Variants in CNTN5 observed in about 807,000 individuals in gnomAD.
CNTN5 encodes the protein contactin 5, also known as contactin-5.
A neutral mutation model predicts 129.1 loss-of-function variants in CNTN5; 77 were observed. The observed-to-expected ratio is 0.60, with a 90% CI of 0.50 to 0.72. The LOEUF (loss-of-function observed/expected upper bound fraction) is 0.72, where lower values mean the gene tolerates loss of function less well. Among genes scored for constraint, CNTN5 ranks in the 30% least tolerant of loss-of-function variants. CNTN5 has a pLI of 0.00. For missense variants in CNTN5, 1,478 were observed against 1,328.8 expected, an observed-to-expected ratio of 1.11 and a Z score of -1.75; for synonymous variants, 509 against 465.6, an observed-to-expected ratio of 1.09 and a Z score of -1.20.
chr11:99,903,252 TA>T (rs1949406347), intron 6 of CNTN5, among the ~76,000 whole-genome samples: 1 of 151,826 alleles, frequency 6.6e-6, no homozygotes. Flanking sequence ...GCGAACAGCA[TA>T]AGAATTCCTG....
chr11:99,228,418 T>C (rs1860808522), intron 1 of CNTN5, among the ~76,000 whole-genome samples: 1 of 152,068 alleles, frequency 6.6e-6, no homozygotes, highest in East Asian at 1.9e-4. Flanking sequence ...TAATGTTTAA[T>C]AGCAGAGCAG....
At chr11:99,071,019 G>A (rs1465013136) in intron 1 of CNTN5, among the ~76,000 whole-genome samples, 3 of 152,102 alleles carry the variant, frequency 2.0e-5, no homozygotes, top group Non-Finnish European at 2.9e-5. Flanking sequence ...ACATGGCCCT[G>A]CTTGTTGCTG....
At chr11:99,236,587 A>G (rs1191459767) in intron 1 of CNTN5, among the ~76,000 whole-genome samples, 5 of 152,036 alleles carry the variant, frequency 3.3e-5, no homozygotes, top group Non-Finnish European at 2.9e-5. Flanking sequence ...ATCTTCCTCA[A>G]TGCTTATACT....
chr11:99,423,799 G>A (rs1007200758), intron 2 of CNTN5, among the ~76,000 whole-genome samples: 1 of 142,950 alleles, frequency 7.0e-6, no homozygotes, highest in African/African-American at 2.5e-5. Context: ...GAGTGACAAG[G>A]TTAGATAAGG....
chr11:99,240,875 C>G (rs1591403998), intron 1 of CNTN5, among the ~76,000 whole-genome samples: 1 of 152,256 alleles, frequency 6.6e-6, no homozygotes, highest in East Asian at 1.9e-4. Context: ...ACCAAACACA[C>G]AGACTGTGTT....
At chr11:100,335,088 C>T (rs1472549053) in intron 21 of CNTN5, among the ~76,000 whole-genome samples, 3 of 151,700 alleles carry the variant, frequency 2.0e-5, no homozygotes, top group African/African-American at 7.3e-5. Flanking sequence ...GGAGGCTGCG[C>T]ATGTGTAGTG....
At chr11:99,528,175 T>C (rs952808658) in intron 2 of CNTN5, among the ~76,000 whole-genome samples, 1 of 152,162 alleles carries the variant, frequency 6.6e-6, no homozygotes, top group Non-Finnish European at 1.5e-5. Context: ...GAAAAAATAA[T>C]TTTAAAATTA....
intron 1 of CNTN5, among the ~76,000 whole-genome samples, chr11:99,261,117 T>G (rs905613094): frequency 1.3e-5 from 2 of 151,942 alleles, no homozygotes; most frequent in African/African-American, 4.8e-5. Context: ...CTAAAATACA[T>G]GCATATTATA....
At chr11:99,589,994 C>T (rs534715039) in intron 3 of CNTN5, among the ~76,000 whole-genome samples, 9 of 152,160 alleles carry the variant, frequency 5.9e-5, no homozygotes, top group African/African-American at 2.2e-4. Context: ...GAATGATTTA[C>T]GGAGAGATTC....
At chr11:99,924,575 C>T (rs1950017961) in intron 7 of CNTN5, among the ~76,000 whole-genome samples, 1 of 151,908 alleles carries the variant, frequency 6.6e-6, no homozygotes, top group African/African-American at 2.4e-5. Context: ...ATTCAGGGGC[C>T]TCTATTCTGT....
chr11:99,131,592 C>A (rs1858941013), intron 1 of CNTN5, among the ~76,000 whole-genome samples: 1 of 152,236 alleles, frequency 6.6e-6, no homozygotes, highest in East Asian at 1.9e-4. Context: ...CACAGAAACA[C>A]AATCAGCCAT....
chr11:99,134,800 C>T (rs1291933582), intron 1 of CNTN5, among the ~76,000 whole-genome samples: 2 of 152,060 alleles, frequency 1.3e-5, no homozygotes, highest in African/African-American at 4.8e-5. Flanking sequence ...GCACAGCCAA[C>T]ATAATAATAA....
intron 3 of CNTN5, among the ~76,000 whole-genome samples, chr11:99,694,996 C>G (rs970655662): frequency 6.6e-6 from 1 of 151,972 alleles, no homozygotes; most frequent in African/African-American, 2.4e-5. Flanking sequence ...TCAGTTCTGT[C>G]GAACACAAAA....
intron 2 of CNTN5, among the ~76,000 whole-genome samples, chr11:99,383,894 T>C (rs1157091675): frequency 6.6e-6 from 1 of 152,194 alleles, no homozygotes; most frequent in Non-Finnish European, 1.5e-5. Flanking sequence ...ACTGCCATGG[T>C]TGATGCACTC....
chr11:100,057,590 A>G (rs1024155130), intron 9 of CNTN5, among the ~76,000 whole-genome samples: 7 of 152,008 alleles, frequency 4.6e-5, no homozygotes, highest in East Asian at 1.9e-4. Flanking sequence ...ACAAAATTCC[A>G]CTGCCCTAAA....
chr11:99,348,664 G>C (rs57523751), intron 2 of CNTN5, among the ~76,000 whole-genome samples: 11,349 of 152,158 alleles, frequency 0.075, 607 homozygotes, highest in East Asian at 0.21. Flanking sequence ...GTTAGACATG[G>C]TCTACTTTGG....
intron 3 of CNTN5, among the ~76,000 whole-genome samples, chr11:99,810,167 C>A (rs867668910): frequency 6.6e-6 from 1 of 152,078 alleles, no homozygotes; most frequent in East Asian, 1.9e-4. Flanking sequence ...GTCTATAATA[C>A]CCAGTTTAAT....
intron 9 of CNTN5, among the ~76,000 whole-genome samples, chr11:100,023,979 A>G (rs1366071527): frequency 6.6e-6 from 1 of 152,094 alleles, no homozygotes; most frequent in African/African-American, 2.4e-5. Flanking sequence ...ATCCATGTGC[A>G]TGGTTTTGTG....
intron 2 of CNTN5, among the ~76,000 whole-genome samples, chr11:99,412,113 T>A (rs1020749536): frequency 6.6e-6 from 1 of 152,190 alleles, no homozygotes; most frequent in Non-Finnish European, 1.5e-5. Context: ...ATCATAGATA[T>A]GTAACATTTC....
Sources: allele counts gnomAD v4.1 joint callset (sites outside exome capture counted in the v4.1 genomes callset), GRCh38; gene constraint gnomAD v4.1.1; transcripts MANE v1.5; gene names NCBI Gene and HGNC (gene_info 2026-07-23, HGNC 2026-07-21).